ARID2: variants seen among roughly 807,000 people sequenced by gnomAD.
The protein encoded by ARID2 is AT-rich interaction domain 2, also known as AT-rich interactive domain-containing protein 2.
Under a neutral mutation model 184.6 loss-of-function variants are expected in ARID2, and 32 were observed. That is an observed-to-expected ratio of 0.17 (90% confidence interval 0.13 to 0.23). The LOEUF is 0.23. Ranked by LOEUF, ARID2 falls within the 10% of genes least tolerant of loss-of-function variation. ARID2 has a pLI of 1.00. For missense variants in ARID2, 1,696 were observed against 2,197.6 expected, an observed-to-expected ratio of 0.77 and a Z score of 4.56; for synonymous variants, 836 against 772.6, an observed-to-expected ratio of 1.08 and a Z score of -1.36.
In ARID2 at chr12:45,737,711, T is replaced by C. The variant is rs79789221; in HGVS notation, c.284+6397T>C. Among the ~76,000 whole-genome samples, 583 of 152,250 alleles carry C rather than the reference T, an allele frequency of 3.8e-3. 2 individuals are homozygous for C. Among genetic ancestry groups the C allele is most frequent in the Non-Finnish European group, 5.4e-3 (368 of 68,022 alleles). On this transcript the variant is annotated intron_variant, in intron 3 of 20. Coordinates refer to ENST00000334344, the MANE Select transcript of ARID2 (RefSeq NM_152641.4). ...AGGTGATTCTTAAGTACACTGAAGT[T>C]TGAGAACAGTTGATCTAAGTATTGT... is the stretch of plus-strand genomic sequence containing the variant.
At chr12:45,821,383 T>C in intron 5 of ARID2, 37 bp from the exon 6 acceptor site, 1 of 1,283,916 alleles carries the variant, frequency 7.8e-7, no homozygotes, top group East Asian at 2.7e-5. Context: ...ATTTATTGCA[T>C]TTTATTGAAT....
intron 12 of ARID2, 149 bp from the exon 13 acceptor site, chr12:45,848,687 A>G (rs905745718): frequency 3.5e-5 from 18 of 519,342 alleles, no homozygotes; most frequent in African/African-American, 3.3e-4. Flanking sequence ...TTTAGCATAT[A>G]TTTTTGCTAC....
chr12:45,730,561 C>T (rs1319799697), intron 2 of ARID2, among the ~76,000 whole-genome samples: 1 of 152,126 alleles, frequency 6.6e-6, no homozygotes, highest in African/African-American at 2.4e-5. Context: ...CACACAGACT[C>T]TGAGAGCAGT....
intron 16 of ARID2, among the ~76,000 whole-genome samples, chr12:45,864,553 A>G (rs1001852298): frequency 6.7e-6 from 1 of 149,564 alleles, no homozygotes. Context: ...TTTGTCCTAT[A>G]GAGCATTACA....
At chr12:45,821,397 C>A in intron 5 of ARID2, 23 bp from the exon 6 acceptor site, 3 of 1,370,798 alleles carry the variant, frequency 2.2e-6, no homozygotes, top group Non-Finnish European at 2.0e-6. Context: ...ATTGAATGTA[C>A]TATTTATTTA....
intron 3 of ARID2, among the ~76,000 whole-genome samples, chr12:45,794,968 CT>C (rs1942361745): frequency 6.6e-6 from 1 of 151,922 alleles, no homozygotes; most frequent in Non-Finnish European, 1.5e-5. Context: ...CCACAAGTTT[CT>C]TTCTTTTTTC....
At chr12:45,794,869 T>G (rs1166792210) in intron 3 of ARID2, among the ~76,000 whole-genome samples, 1 of 152,194 alleles carries the variant, frequency 6.6e-6, no homozygotes, top group Non-Finnish European at 1.5e-5. Context: ...TCTAATATTC[T>G]GTCTACTTAG....
chr12:45,898,643 C>T (rs749319055), intron 20 of ARID2, among the ~76,000 whole-genome samples: 28 of 152,152 alleles, frequency 1.8e-4, no homozygotes, highest in African/African-American at 4.6e-4. Flanking sequence ...GGGCCAGACG[C>T]GGTGGCTTAT....
chr12:45,900,717 C>G (rs146358402), intron 20 of ARID2, among the ~76,000 whole-genome samples: 1 of 152,266 alleles, frequency 6.6e-6, no homozygotes, highest in Non-Finnish European at 1.5e-5. Context: ...ATTTAAGACC[C>G]TACATGCCTA....
chr12:45,731,104 C>A, intron 2 of ARID2, 113 bp from the exon 3 acceptor site: 1 of 751,764 alleles, frequency 1.3e-6, no homozygotes, highest in East Asian at 2.5e-5. Flanking sequence ...CCGAAACACC[C>A]ACTGATGCCT....
At chr12:45,900,339 G>T (rs1261780696) in intron 20 of ARID2, among the ~76,000 whole-genome samples, 1 of 152,136 alleles carries the variant, frequency 6.6e-6, no homozygotes, top group Non-Finnish European at 1.5e-5. Context: ...GGGATTACAG[G>T]TGTGAGCCAC....
rs1943534357 is a variant in ARID2 at position 45,850,794 on chromosome 12, G to A, written c.2671G>A (p.Val891Ile). The A allele has an allele frequency of 6.2e-7, 1 of 1,613,918 alleles. No homozygotes were observed. The highest frequency in any genetic ancestry group is 1.7e-5 in the Admixed American group (1 of 59,974). Residue 891 changes from valine to isoleucine, a missense_variant, in exon 15 of 21, where the codon GTA becomes ATA. This residue lies in a region of ARID2 where 713 missense variants were observed against 824.4 expected (regional missense o/e 0.86). Transcript: ENST00000334344. ...AGVPSPQASR[V>I]GFQNIAPKPL... is the part of the protein sequence containing the mutation. ...TGTCCCAAGTCCACAAGCCTCAAGG[G>A]TAGGGTTTCAGAACATTGCACCAAA...
At chr12:45,901,750 C>T (rs1266998582) in intron 20 of ARID2, among the ~76,000 whole-genome samples, 2 of 152,002 alleles carry the variant, frequency 1.3e-5, no homozygotes, top group Non-Finnish European at 2.9e-5. Flanking sequence ...AGCCTCCAAC[C>T]TCCTGGGCTC....
intron 3 of ARID2, among the ~76,000 whole-genome samples, chr12:45,736,405 C>A: frequency 6.7e-6 from 1 of 149,406 alleles, no homozygotes; most frequent in African/African-American, 2.5e-5. Context: ...TATTCTCAAA[C>A]TGAATGAAAT....
intron 2 of ARID2, 101 bp downstream of exon 2, chr12:45,730,238 G>A: frequency 9.1e-7 from 1 of 1,098,316 alleles, no homozygotes; most frequent in Non-Finnish European, 1.3e-6. Context: ...GGTGGCCCGC[G>A]GGGGCAAAAG....
rs763117295 is a variant in ARID2 at position 45,860,816 on chromosome 12, C to T, written c.4789C>T (p.Pro1597Ser). 21 of 1,591,086 alleles carry T rather than the reference C, an allele frequency of 1.3e-5. No homozygotes were observed. Among genetic ancestry groups the T allele is most frequent in the Non-Finnish European group, 1.5e-5 (18 of 1,169,082 alleles). Reference protein sequence around the residue: ...NVVPQNTPMPPSPAVQVQGQP... With the variant: ...NVVPQNTPMPSSPAVQVQGQP... The stretch of plus-strand genomic sequence containing the variant: ...TTTTTCACAGAACACTCCTATGCCA[C>T]CTTCACCAGCTGTACAAGTGCAGGG... Residue 1597 changes from proline to serine, a missense_variant, in exon 16 of 21, where the codon CCT becomes TCT. Pro to Ser is a moderately conservative substitution (Grantham distance 74, BLOSUM62 -1). Coordinates refer to ENST00000334344, the MANE Select transcript of ARID2 (RefSeq NM_152641.4).
At chr12:45,791,016 T>G (rs1479603701) in intron 3 of ARID2, among the ~76,000 whole-genome samples, 1 of 152,196 alleles carries the variant, frequency 6.6e-6, no homozygotes, top group African/African-American at 2.4e-5. Flanking sequence ...AAATAATCTT[T>G]TGAGTCCTTG....
chr12:45,753,723 A>G (rs995775110), intron 3 of ARID2, among the ~76,000 whole-genome samples: 1 of 152,024 alleles, frequency 6.6e-6, no homozygotes, highest in Non-Finnish European at 1.5e-5. Context: ...CCTCCCGAAT[A>G]GCTGGGACTA....
At chr12:45,841,033 T>C (rs1170343404) in intron 11 of ARID2, 1 of 152,174 alleles carries the variant, frequency 6.6e-6, no homozygotes, top group African/African-American at 2.4e-5. Context: ...ATATTAATGG[T>C]TTCTCAACCT....
Sources: allele counts gnomAD v4.1 joint callset (sites outside exome capture counted in the v4.1 genomes callset), GRCh38; gene constraint gnomAD v4.1.1; regional missense constraint gnomAD v4.1.1; transcripts MANE v1.5; gene names NCBI Gene and HGNC (gene_info 2026-07-23, HGNC 2026-07-21).